Variants in CSMD1 observed in about 807,000 individuals in gnomAD.
CSMD1 encodes the protein CUB and sushi domain-containing protein 1.
Under a neutral mutation model 417.5 loss-of-function variants are expected in CSMD1, and 213 were observed. The observed-to-expected ratio is 0.51, with a 90% CI of 0.46 to 0.57. The LOEUF (loss-of-function observed/expected upper bound fraction) is 0.57, where lower values mean the gene tolerates loss of function less well. Ranked by LOEUF, CSMD1 falls within the 20% of genes least tolerant of loss-of-function variation. The probability of loss-of-function intolerance (pLI) is 0.00; values close to 1 mark genes in which losing one functional copy is unlikely to be tolerated. For synonymous variants in CSMD1, 2,862 were observed against 1,736.8 expected, an observed-to-expected ratio of 1.65 and a Z score of -16.11; for missense variants, 6,923 against 4,529.7, an observed-to-expected ratio of 1.53 and a Z score of -15.17.
At chr8:3,274,604 G>C (rs1160034718) in intron 26 of CSMD1, among the ~76,000 whole-genome samples, 3 of 152,074 alleles carry the variant, frequency 2.0e-5, no homozygotes, top group Non-Finnish European at 4.4e-5. Flanking sequence ...TTATGAATCT[G>C]GGTGCTCCTG....
At position 3,795,649 on chromosome 8, in the gene CSMD1, A is replaced by G. The variant is rs1438943582; in HGVS notation, c.819-41607T>C. ...ATATCTATCATGTATAGATATAGAT[A>G]TATATCTATCATAGATATAGATATA... On this transcript the variant is annotated intron_variant, in intron 5 of 69. Coordinates refer to ENST00000635120, the MANE Select transcript of CSMD1 (RefSeq NM_033225.6). Among the ~76,000 whole-genome samples the G allele has an allele frequency of 5.2e-5, 2 of 38,570 alleles. 1 individual carries two copies. The highest frequency in any genetic ancestry group is 2.7e-4 in the African/African-American group (2 of 7,370). The allele number at this position is 38,570 out of a possible 152,430, so 25.3% of individuals were successfully genotyped here.
chr8:3,344,204 G>A (rs1807841283), intron 22 of CSMD1, among the ~76,000 whole-genome samples: 1 of 152,188 alleles, frequency 6.6e-6, no homozygotes, highest in Non-Finnish European at 1.5e-5. Flanking sequence ...ATGGTGGGGA[G>A]CAGTGGGTCT....
chr8:3,295,042 T>C (rs1300410632), intron 25 of CSMD1, among the ~76,000 whole-genome samples: 5 of 152,206 alleles, frequency 3.3e-5, no homozygotes, highest in African/African-American at 9.7e-5. Flanking sequence ...TGTACTACTC[T>C]GTGTGTTTAA....
chr8:4,096,819 CT>C (rs1563119095), intron 3 of CSMD1, among the ~76,000 whole-genome samples: 1 of 152,142 alleles, frequency 6.6e-6, no homozygotes, highest in East Asian at 1.9e-4. Context: ...ACCCATCATT[CT>C]TGATATATTT....
At chr8:4,798,004 C>T (rs2117267264) in intron 1 of CSMD1, among the ~76,000 whole-genome samples, 1 of 152,314 alleles carries the variant, frequency 6.6e-6, no homozygotes, top group Middle Eastern at 3.4e-3. Context: ...CAGCCAAAAT[C>T]TCGAAGCATT....
intron 10 of CSMD1, among the ~76,000 whole-genome samples, chr8:3,496,939 C>A (rs578083425): frequency 4.6e-5 from 7 of 152,130 alleles, no homozygotes; most frequent in Non-Finnish European, 1.0e-4. Flanking sequence ...TCCATGTATT[C>A]GTACAATTTT....
intron 2 of CSMD1, among the ~76,000 whole-genome samples, chr8:4,583,530 T>G (rs890025515): frequency 2.0e-5 from 3 of 152,102 alleles, no homozygotes; most frequent in African/African-American, 7.2e-5. Flanking sequence ...ACTCTGTATC[T>G]TGCTCAAGGT....
At chr8:4,464,355 G>C (rs986233516) in intron 2 of CSMD1, among the ~76,000 whole-genome samples, 1 of 152,142 alleles carries the variant, frequency 6.6e-6, no homozygotes, top group Non-Finnish European at 1.5e-5. Context: ...AACATTGTAA[G>C]CTGAAAAGAG....
chr8:4,174,361 G>A (rs962141667), intron 3 of CSMD1, among the ~76,000 whole-genome samples: 3 of 152,204 alleles, frequency 2.0e-5, no homozygotes, highest in Admixed American at 6.5e-5. Context: ...CAGTCTCTGA[G>A]AGAGCAAGTC....
intron 2 of CSMD1, among the ~76,000 whole-genome samples, chr8:4,588,673 T>TA (rs1270775080): frequency 2.0e-5 from 3 of 151,824 alleles, no homozygotes; most frequent in Non-Finnish European, 4.4e-5. Context: ...TAGTCCCAGC[T>TA]ACTCAAGAGG....
intron 4 of CSMD1, among the ~76,000 whole-genome samples, chr8:4,003,626 A>G (rs925517369): frequency 6.6e-6 from 1 of 152,224 alleles, no homozygotes; most frequent in African/African-American, 2.4e-5. Context: ...ATACATTAAA[A>G]AGATAAATTC....
chr8:4,351,738 G>A (rs1410247811), intron 3 of CSMD1, among the ~76,000 whole-genome samples: 5 of 152,128 alleles, frequency 3.3e-5, no homozygotes, highest in Admixed American at 6.6e-5. Flanking sequence ...GGCCTTCTAG[G>A]TTGAGCAAGA....
chr8:4,821,868 C>T (rs577547590), intron 1 of CSMD1, among the ~76,000 whole-genome samples: 2 of 152,156 alleles, frequency 1.3e-5, no homozygotes, highest in South Asian at 2.1e-4. Context: ...TGCCTCCACA[C>T]GCTTCTGCTC....
At chr8:4,152,048 G>T in intron 3 of CSMD1, among the ~76,000 whole-genome samples, 1 of 152,148 alleles carries the variant, frequency 6.6e-6, no homozygotes, top group East Asian at 1.9e-4. Flanking sequence ...ATTTGACTAT[G>T]CTTTAATTTT....
chr8:3,664,098 T>G (rs769897244), intron 7 of CSMD1, among the ~76,000 whole-genome samples: 4 of 152,316 alleles, frequency 2.6e-5, no homozygotes, highest in South Asian at 2.1e-4. Flanking sequence ...TTGTTACATA[T>G]GTACACATGT....
At chr8:3,276,670 G>A (rs34205766) in intron 26 of CSMD1, among the ~76,000 whole-genome samples, 41,632 of 151,822 alleles carry the variant, frequency 0.27, 5,887 homozygotes, top group African/African-American at 0.34. Flanking sequence ...TAAAATAGCA[G>A]TTACATATTT....
intron 3 of CSMD1, among the ~76,000 whole-genome samples, chr8:4,091,868 T>G (rs1800739049): frequency 6.6e-6 from 1 of 152,192 alleles, no homozygotes; most frequent in South Asian, 2.1e-4. Context: ...TTTAACAAAA[T>G]TAGACTCCGC....
intron 5 of CSMD1, among the ~76,000 whole-genome samples, chr8:3,778,708 G>C (rs192750504): frequency 1.3e-5 from 2 of 152,150 alleles, no homozygotes; most frequent in Non-Finnish European, 2.9e-5. Flanking sequence ...ATCATCTTCC[G>C]AGCACCGCTT....
At chr8:4,946,321 T>G (rs756978588) in intron 1 of CSMD1, among the ~76,000 whole-genome samples, 1 of 152,200 alleles carries the variant, frequency 6.6e-6, no homozygotes, top group African/African-American at 2.4e-5. Flanking sequence ...TATGACTAAC[T>G]GAAACCTTAA....
Sources: allele counts gnomAD v4.1 joint callset (sites outside exome capture counted in the v4.1 genomes callset), GRCh38; gene constraint gnomAD v4.1.1; transcripts MANE v1.5; gene names NCBI Gene and HGNC (gene_info 2026-07-23, HGNC 2026-07-21).